EPHA10: variants seen among roughly 807,000 people sequenced by gnomAD.
The protein encoded by EPHA10 is EPH receptor A10.
Under a neutral mutation model 109.7 loss-of-function variants are expected in EPHA10, and 120 were observed. That is an observed-to-expected ratio of 1.09 (90% CI 0.94 to 1.27). EPHA10 has a LOEUF of 1.27. EPHA10 is among the 50% of genes most tolerant of loss of function. EPHA10 has a pLI of 0.00. For synonymous variants in EPHA10, 640 were observed against 618.9 expected, an observed-to-expected ratio of 1.03 and a Z score of -0.51; for missense variants, 1,396 against 1,411.1, an observed-to-expected ratio of 0.99 and a Z score of 0.17.
Position 37,720,467 on chromosome 1 carries a change from A to G in EPHA10, c.2296T>C (p.Tyr766His), listed in dbSNP as rs375373367. The G allele has an allele frequency of 5.0e-6, 8 of 1,613,496 alleles. No individual in the cohort carries two copies. The highest frequency in any genetic ancestry group is 2.7e-5 in the African/African-American group (2 of 74,948). The part of the protein sequence containing the change: ...SAMKYLSEMG[Y>H]VHRGLAARHV... ...CGAGCTGCCAGGCCCCGGTGAACGT[A>G]GCCCATCTCTGACAGATACTTCATG... is the stretch of plus-strand genomic sequence containing the variant. Residue 766 changes from tyrosine (Y) to histidine (H), a missense_variant, in exon 13 of 17, where the codon TAC becomes CAC. Transcript: ENST00000373048.
At chr1:37,721,511 G>A in intron 11 of EPHA10, 149 bp downstream of exon 11, 7 of 753,372 alleles carry the variant, frequency 9.3e-6, no homozygotes, top group Non-Finnish European at 1.4e-5. Flanking sequence ...GCCGCCTTGA[G>A]TCAGTGAAAG....
At chr1:37,721,903 C>G (rs1402119167) in intron 10 of EPHA10, 58 bp from the exon 11 acceptor site, 2 of 1,424,924 alleles carry the variant, frequency 1.4e-6, no homozygotes, top group African/African-American at 2.9e-5. Flanking sequence ...CTGAGCTGGG[C>G]AGGCTGAGCC....
At chr1:37,738,359 T>TCTGTCTCAAAAAAAAAGA (rs1646102479) in intron 5 of EPHA10, among the ~76,000 whole-genome samples, 1 of 151,894 alleles carries the variant, frequency 6.6e-6, no homozygotes, top group South Asian at 2.1e-4. Context: ...AGAGTGAGAC[T>TCTGTCTCAAAAAAAAAGA]CTGTCTCAAA....
intron 5 of EPHA10, among the ~76,000 whole-genome samples, chr1:37,744,527 G>A (rs1208317381): frequency 1.3e-5 from 2 of 151,742 alleles, no homozygotes; most frequent in Non-Finnish European, 2.9e-5. Context: ...GGATGTGGTG[G>A]TGTGCACCTG....
rs1219664420 is a variant in EPHA10, at chr1:37,764,589, C to G, written c.106+372G>C. Among the ~76,000 whole-genome samples the G allele has an allele frequency of 1.3e-5, 2 of 152,138 alleles. No individual in the cohort carries two copies. Among genetic ancestry groups the G allele is most frequent in the African/African-American group, 2.4e-5 (1 of 41,448 alleles). On this transcript the variant is annotated intron_variant, in intron 1 of 16. Transcript: ENST00000373048. The surrounding 1 kb of genome is among the most constrained non-coding windows in gnomAD (Gnocchi z 5.8). ...CTGTAGTCCGGGCTCCATCCCGTCT[C>G]CCCATATTCCGAGCTCACCTCCGCA...
Position 37,764,977 on chromosome 1 carries a change from A to G in EPHA10, c.90T>C (p.Pro30=). 1.2e-6 allele frequency: 2 copies of G among 1,608,218 alleles called. No individual in the cohort carries two copies. The highest frequency in any genetic ancestry group is 1.7e-6 in the Non-Finnish European group (2 of 1,178,290). Residue 30 remains proline, a synonymous_variant, in exon 1 of 17, where the codon CCT becomes CCC. Transcript: ENST00000373048. The surrounding 1 kb of genome is among the most constrained non-coding windows in gnomAD (Gnocchi z 5.8). ...TCTTCTCACCTTCCTCGGCGGTCCC[A>G]GGCCGCCAGGGTCCCAAAAGCAGCG... ...CLALLLGPWR[P]GTAEEVILLD...
rs191149869 is a variant in EPHA10 at position 37,731,478 on chromosome 1, A to G, written c.1596T>C (p.Ala532=). ...GGGCCTCCCAGGATGGCCCCGGGGA[A>G]GCGGCCCGGATCTGAAAGACGTAGC... is the stretch of plus-strand genomic sequence containing the variant. ...ATRYVFQIRA[A]SPGPSWEAQS... is the part of the protein sequence containing the mutation. The change falls in exon 7 of 17, where the codon GCT becomes GCC. Residue 532 remains alanine, a synonymous_variant. Coordinates refer to ENST00000373048, the MANE Select transcript of EPHA10 (RefSeq NM_001099439.2). The G allele has an allele frequency of 2.2e-5, 35 of 1,613,978 alleles. No individual in the cohort carries two copies. In the African/African-American group the frequency reaches 4.4e-4, roughly 20 times the overall value.
In EPHA10 at chr1:37,716,984, G is replaced by T. The variant is rs76466607; in HGVS notation, c.*1388C>A. 3 of 232,768 alleles carry T rather than the reference G, an allele frequency of 1.3e-5. No homozygotes were observed. The highest frequency in any genetic ancestry group is 1.8e-4 in the South Asian group (1 of 5,516). The allele number at this position is 232,768 out of a possible 1,614,324, so 14.4% of individuals were successfully genotyped here. On this transcript the variant is annotated 3_prime_UTR_variant, in exon 17 of 17. Coordinates refer to ENST00000373048, the MANE Select transcript of EPHA10 (RefSeq NM_001099439.2). ...AGTCTGAGCCCCCCAAGGGCAGGCTGTGTGTCTTTTTCATCTTTACCTCTT... is the reference window on the plus strand; with the variant it reads ...AGTCTGAGCCCCCCAAGGGCAGGCTTTGTGTCTTTTTCATCTTTACCTCTT...
intron 8 of EPHA10, among the ~76,000 whole-genome samples, chr1:37,725,225 C>T (rs534812738): frequency 1.8e-4 from 28 of 152,158 alleles, no homozygotes; most frequent in African/African-American, 6.3e-4. Context: ...TGGGGTGAGG[C>T]CAGGCATGGT....
At chr1:37,751,530 C>A (rs1646326011) in intron 5 of EPHA10, among the ~76,000 whole-genome samples, 1 of 147,698 alleles carries the variant, frequency 6.8e-6, no homozygotes, top group African/African-American at 2.5e-5. Context: ...GATCACACCA[C>A]CACACTCCAG....
chr1:37,724,848 T>A (rs924511379), intron 8 of EPHA10, among the ~76,000 whole-genome samples: 1 of 152,144 alleles, frequency 6.6e-6, no homozygotes, highest in Non-Finnish European at 1.5e-5. Flanking sequence ...GTGGCTCCAT[T>A]TTCTCTTTAA....
intron 3 of EPHA10, among the ~76,000 whole-genome samples, chr1:37,759,141 G>T (rs558972141): frequency 6.6e-6 from 1 of 152,202 alleles, no homozygotes; most frequent in South Asian, 2.1e-4. Context: ...ATTGCAGCTT[G>T]AGTGATATTT....
rs373595383 is a variant in EPHA10, at chr1:37,723,296, G to A, written c.1834+15C>T. 3 of 1,613,570 alleles carry A rather than the reference G, an allele frequency of 1.9e-6. No individual in the cohort carries two copies. The highest frequency in any genetic ancestry group is 2.7e-5 in the African/African-American group (2 of 74,914). ...GTGGAGCCCGCCCCTCCCCAGCCAG[G>A]CCCAGCCAACTCACAGTGGAAATAC... is the stretch of plus-strand genomic sequence containing the variant. On this transcript the variant is annotated intron_variant, in intron 9 of 16. Coordinates refer to ENST00000373048, the MANE Select transcript of EPHA10 (RefSeq NM_001099439.2).
At chr1:37,722,959 G>T (rs752100411) in intron 10 of EPHA10, 82 bp downstream of exon 10, 3 of 1,599,628 alleles carry the variant, frequency 1.9e-6, no homozygotes, top group South Asian at 1.1e-5. Context: ...TCAGGATAGA[G>T]GTGTGGACAG....
intron 10 of EPHA10, among the ~76,000 whole-genome samples, chr1:37,722,598 C>T (rs978577002): frequency 1.3e-5 from 2 of 152,216 alleles, no homozygotes; most frequent in African/African-American, 4.8e-5. Flanking sequence ...CATTAGCCCC[C>T]AGAAGGCAGA....
Position 37,753,109 on chromosome 1 carries a change from A to G in EPHA10, c.1124T>C (p.Leu375Pro). ...CTCGCGGCCGCAGCGCAGGCACAGC[A>G]GCGAGTAGGTGACGTCCGAGCGGCC... ...SGGRSDVTYS[L>P]LCLRCGREGP... The change falls in exon 5 of 17, where the codon CTG (leucine) becomes CCG (proline). Residue 375 changes from leucine (L) to proline (P), a missense_variant. By Grantham distance (98) the Leu-to-Pro change is moderately conservative. Transcript: ENST00000373048. 7.2e-7 allele frequency: 1 copy of G among 1,389,920 alleles called. No homozygotes were observed. Among genetic ancestry groups the G allele is most frequent in the Admixed American group, 2.9e-5 (1 of 35,014 alleles). 86.1% of individuals were successfully genotyped at this position (1,389,920 alleles called of 1,614,324 possible).
chr1:37,722,329 C>A, intron 10 of EPHA10: 1 of 227,578 alleles, frequency 4.4e-6, no homozygotes, highest in Non-Finnish European at 9.1e-6. Context: ...TGCCAGCACG[C>A]CGACTGCCAT....
At position 37,716,446 on chromosome 1, in the gene EPHA10, C is replaced by A; in HGVS notation, c.*1926G>T. On this transcript the variant is annotated 3_prime_UTR_variant, in exon 17 of 17. Coordinates refer to ENST00000373048, the MANE Select transcript of EPHA10 (RefSeq NM_001099439.2). ...TGGGGAAGGCGGATCCTGGAGGGCA[C>A]CTGGCCGGGGGCTCCCCCAACCCTG... 4.3e-6 allele frequency: 1 copy of A among 234,246 alleles called. No homozygotes were observed. The highest frequency in any genetic ancestry group is 8.4e-6 in the Non-Finnish European group (1 of 118,940). 14.5% of individuals were successfully genotyped at this position (234,246 alleles called of 1,614,324 possible).
intron 11 of EPHA10, 50 bp downstream of exon 11, chr1:37,721,610 A>AC (rs1645797924): frequency 2.6e-6 from 4 of 1,515,616 alleles, no homozygotes; most frequent in East Asian, 2.4e-5. Flanking sequence ...CATCATTTCC[A>AC]CCCCCCATAC....
Sources: gnomAD v4.1 joint callset for allele counts (sites outside exome capture counted in the v4.1 genomes callset) on GRCh38, gnomAD v4.1.1 for gene constraint, Gnocchi (gnomAD v3.1) non-coding constraint, MANE v1.5 for transcripts, NCBI Gene and HGNC (gene_info 2026-07-23, HGNC 2026-07-21) for gene names.